Variants in LPAR1 observed in about 807,000 individuals in gnomAD.
LPAR1 encodes the protein lysophosphatidic acid receptor 1, also known as LPA receptor 1.
LPAR1 carries 5 observed loss-of-function variants against 23.8 expected under a neutral mutation model. That is an observed-to-expected ratio of 0.21 (90% CI 0.11 to 0.44). The LOEUF (loss-of-function observed/expected upper bound fraction) is 0.44. LPAR1 is among the 20% of genes least tolerant of loss of function. The pLI, the probability that LPAR1 is intolerant of heterozygous loss-of-function variation, is 0.99. For synonymous variants in LPAR1, 160 were observed against 164.7 expected (o/e 0.97, Z 0.22); for missense variants, 311 against 482.8 (o/e 0.64, Z 3.33).
At position 110,912,472 on chromosome 9, in the gene LPAR1, C is replaced by A. The variant is rs564409052; in HGVS notation, c.793+28949G>T. ...GGGGCAAAGACCTTTTGGCTGACTA[C>A]AGAGTTTTCTCATTTTTTTCTTCTA... On this transcript the variant is annotated intron_variant, in intron 5 of 5. Coordinates refer to ENST00000683809, the MANE Select transcript of LPAR1 (RefSeq NM_001351411.2). Among the ~76,000 whole-genome samples, 611 of 152,294 alleles carry A rather than the reference C, an allele frequency of 4.0e-3. 4 individuals carry two copies. Among genetic ancestry groups the A allele is most frequent in the African/African-American group, 0.014 (580 of 41,574 alleles).
At chr9:111,020,912 T>C (rs2097548399) in intron 2 of LPAR1, among the ~76,000 whole-genome samples, 1 of 152,070 alleles carries the variant, frequency 6.6e-6, no homozygotes, top group Non-Finnish European at 1.5e-5. Context: ...CCTGAGTAAA[T>C]ATTTTACTAT....
chr9:110,877,450 A>G (rs996701153), intron 5 of LPAR1, among the ~76,000 whole-genome samples: 30 of 152,240 alleles, frequency 2.0e-4, no homozygotes, highest in African/African-American at 7.2e-4. Context: ...TTCAATAAAA[A>G]TGTTAATAAA....
chr9:111,027,299 G>C (rs945912120), intron 2 of LPAR1, among the ~76,000 whole-genome samples: 3 of 151,948 alleles, frequency 2.0e-5, no homozygotes, highest in Non-Finnish European at 4.4e-5. Flanking sequence ...ACTAGCCTGG[G>C]TAATAAAGCA....
chr9:110,918,994 G>C (rs2093418496), intron 5 of LPAR1, among the ~76,000 whole-genome samples: 1 of 152,020 alleles, frequency 6.6e-6, no homozygotes, highest in Admixed American at 6.6e-5. Flanking sequence ...CCTGGTGTGT[G>C]AGCAGAACCT....
rs532597620 is a variant in LPAR1, at chr9:110,966,456, G to T, written c.45+5617C>A. On this transcript the variant is annotated intron_variant, in intron 4 of 5. Coordinates refer to ENST00000683809, the MANE Select transcript of LPAR1 (RefSeq NM_001351411.2). ...ATCACGACATTGCACTCCAGCCTGG[G>T]CAACAGAGTGAGACTCCATCTCAAG... Among the ~76,000 whole-genome samples the T allele has an allele frequency of 2.1e-3, 309 of 149,040 alleles. 1 individual carries two copies. The highest frequency in any genetic ancestry group is 7.5e-3 in the African/African-American group (301 of 40,392).
At chr9:110,875,820 T>G in intron 5 of LPAR1, 98 bp from the exon 6 acceptor site, 3 of 607,486 alleles carry the variant, frequency 4.9e-6, no homozygotes, top group Non-Finnish European at 7.7e-6. Flanking sequence ...TTCAGTTCAA[T>G]ATAAAAATAC....
chr9:111,000,880 G>C (rs2097114515), intron 2 of LPAR1, among the ~76,000 whole-genome samples: 1 of 152,112 alleles, frequency 6.6e-6, no homozygotes, highest in Non-Finnish European at 1.5e-5. Flanking sequence ...TCTCCAGAGA[G>C]GTCGGTCATT....
intron 2 of LPAR1, among the ~76,000 whole-genome samples, chr9:110,996,329 G>A (rs1235670291): frequency 6.6e-6 from 1 of 152,098 alleles, no homozygotes; most frequent in African/African-American, 2.4e-5. Flanking sequence ...GGCCAAGGCA[G>A]GACAATCACT....
chr9:110,890,559 G>C (rs2083812219), intron 5 of LPAR1, among the ~76,000 whole-genome samples: 1 of 152,136 alleles, frequency 6.6e-6, no homozygotes, highest in South Asian at 2.1e-4. Flanking sequence ...CTTCTTTGTT[G>C]CATTAACTGT....
Position 110,941,153 on chromosome 9 carries a change from A to G in LPAR1, c.793+268T>C, listed in dbSNP as rs774613805. On this transcript the variant is annotated intron_variant, in intron 5 of 5. Transcript: ENST00000683809. The surrounding 1 kb of genome is among the most constrained non-coding windows in gnomAD (Gnocchi z 6.1). ...GACTGGTAATTCTGGTATTTTCAAT[A>G]TTAGATAGCCAAACTCTTCAATGAC... Among the ~76,000 whole-genome samples, 4 of 152,188 alleles carry G rather than the reference A, an allele frequency of 2.6e-5. No individual in the cohort carries two copies. Among genetic ancestry groups the G allele is most frequent in the East Asian group, 3.8e-4 (2 of 5,202 alleles).
chr9:110,944,496 T>C (rs1361039319), intron 4 of LPAR1, among the ~76,000 whole-genome samples: 1 of 152,246 alleles, frequency 6.6e-6, no homozygotes, highest in African/African-American at 2.4e-5. Context: ...TTAGTCTCTA[T>C]AACCATCTAC....
intron 2 of LPAR1, among the ~76,000 whole-genome samples, chr9:110,983,800 A>G (rs1420613819): frequency 6.6e-6 from 1 of 151,994 alleles, no homozygotes; most frequent in Non-Finnish European, 1.5e-5. Flanking sequence ...TCAAATCATA[A>G]TGGGAAAAAA....
intron 2 of LPAR1, among the ~76,000 whole-genome samples, chr9:111,005,302 G>A (rs897590105): frequency 6.6e-6 from 1 of 151,726 alleles, no homozygotes; most frequent in Non-Finnish European, 1.5e-5. Context: ...GGCCAGGCGT[G>A]ACGGCTCATG....
chr9:110,929,971 T>C (rs1049013909), intron 5 of LPAR1, among the ~76,000 whole-genome samples: 2 of 152,112 alleles, frequency 1.3e-5, no homozygotes, highest in Admixed American at 6.5e-5. Flanking sequence ...AAAACAGAAC[T>C]ATACATTTCC....
chr9:110,983,474 G>C lies in LPAR1; in HGVS notation c.-181-9916C>G, dbSNP rs150355752. On this transcript the variant is annotated intron_variant, in intron 2 of 5. Transcript: ENST00000683809. ...AAATTAATAGAGACAAAGTACAGTAGTACTTGCCAGGGACTGGGGGAGAGG... is the reference window on the plus strand; with the variant it reads ...AAATTAATAGAGACAAAGTACAGTACTACTTGCCAGGGACTGGGGGAGAGG... Among the ~76,000 whole-genome samples the C allele has an allele frequency of 2.4e-3, 369 of 152,100 alleles. 1 individual carries two copies. Among genetic ancestry groups the C allele is most frequent in the African/African-American group, 8.4e-3 (349 of 41,524 alleles).
chr9:110,949,194 G>A (rs2095491573), intron 4 of LPAR1, among the ~76,000 whole-genome samples: 3 of 152,042 alleles, frequency 2.0e-5, no homozygotes, highest in Admixed American at 2.0e-4. Context: ...TCTGGAGGAC[G>A]AGACCTCAAC....
At chr9:110,905,998 T>C (rs2134095267) in intron 5 of LPAR1, among the ~76,000 whole-genome samples, 1 of 152,376 alleles carries the variant, frequency 6.6e-6, no homozygotes, top group East Asian at 1.9e-4. Flanking sequence ...ATAAGCTTTC[T>C]ACAGTAGCTA....
At chr9:110,959,882 C>T (rs569353914) in intron 4 of LPAR1, among the ~76,000 whole-genome samples, 7 of 151,922 alleles carry the variant, frequency 4.6e-5, no homozygotes, top group African/African-American at 7.2e-5. Flanking sequence ...TTATATTAAG[C>T]GAAATAAGCC....
chr9:110,907,720 C>T (rs1434376317), intron 5 of LPAR1, among the ~76,000 whole-genome samples: 1 of 152,024 alleles, frequency 6.6e-6, no homozygotes, highest in Non-Finnish European at 1.5e-5. Flanking sequence ...TATATCTGTA[C>T]TAATCATATG....
Sources: gnomAD v4.1 joint callset for allele counts (sites outside exome capture counted in the v4.1 genomes callset) on GRCh38, gnomAD v4.1.1 for gene constraint, Gnocchi (gnomAD v3.1) non-coding constraint, MANE v1.5 for transcripts, NCBI Gene and HGNC (gene_info 2026-07-23, HGNC 2026-07-21) for gene names.